EYA4: variants seen among roughly 807,000 people sequenced by gnomAD.
The protein encoded by EYA4 is EYA transcriptional coactivator and phosphatase 4.
Under a neutral mutation model 87.9 loss-of-function variants are expected in EYA4, and 31 were observed. That is an observed-to-expected ratio of 0.35 (90% CI 0.27 to 0.48). The LOEUF (loss-of-function observed/expected upper bound fraction) is 0.48. Among genes scored for constraint, EYA4 ranks in the 20% least tolerant of loss-of-function variants. The probability of loss-of-function intolerance (pLI) is 0.99; values close to 1 mark genes in which losing one functional copy is unlikely to be tolerated. For synonymous variants in EYA4, 263 were observed against 270.6 expected (o/e 0.97, Z 0.28); for missense variants, 678 against 761.4 (o/e 0.89, Z 1.29).
Position 133,515,332 on chromosome 6 carries a change from C to G in EYA4, c.1513C>G (p.Pro505Ala). ...YKNNVGGLLGPAKRDAWLQLR... is the reference protein window; with the variant it reads ...YKNNVGGLLGAAKRDAWLQLR... ...TTTTGGTGTTGCAGGACTCCTTGGC[C>G]CTGCCAAGAGGGATGCCTGGCTACA... The change falls in exon 17 of 20, where the codon CCT becomes GCT. Residue 505 changes from proline (P) to alanine (A), a missense_variant. By Grantham distance (27) the Pro-to-Ala change is conservative. Coordinates refer to ENST00000355286, the MANE Select transcript of EYA4 (RefSeq NM_004100.5). The G allele has an allele frequency of 6.2e-7, 1 of 1,606,366 alleles. No individual in the cohort carries two copies. Among genetic ancestry groups the G allele is most frequent in the South Asian group, 1.1e-5 (1 of 90,900 alleles).
At chr6:133,359,409 A>T (rs1352760929) in intron 2 of EYA4, among the ~76,000 whole-genome samples, 1 of 152,214 alleles carries the variant, frequency 6.6e-6, no homozygotes, top group East Asian at 1.9e-4. Flanking sequence ...GAGGTGTGAA[A>T]GGCCCATTGC....
Position 133,447,185 on chromosome 6 carries a change from T to TA in EYA4, c.208+438dup, listed in dbSNP as rs200765768. The stretch of plus-strand genomic sequence containing the variant: ...ATGTTTCTTCTTAAAAGTGCTTTTT[T>TA]AAAAAAACACATGGTTTTGGAAATA... On this transcript the variant is annotated intron_variant, in intron 4 of 19. Coordinates refer to ENST00000355286, the MANE Select transcript of EYA4 (RefSeq NM_004100.5). Among the ~76,000 whole-genome samples, 1,139 of 152,260 alleles carry TA rather than the reference T, an allele frequency of 7.5e-3. 22 individuals carry two copies. The highest frequency in any genetic ancestry group is 0.026 in the African/African-American group (1,087 of 41,548).
At chr6:133,267,588 G>C (rs773082291) in intron 1 of EYA4, among the ~76,000 whole-genome samples, 15 of 152,058 alleles carry the variant, frequency 9.9e-5, no homozygotes, top group Admixed American at 1.3e-4. Flanking sequence ...TCACCATGTT[G>C]GTCAGGCTGG....
intron 3 of EYA4, among the ~76,000 whole-genome samples, chr6:133,432,142 T>C (rs1052166835): frequency 1.2e-4 from 18 of 152,078 alleles, no homozygotes; most frequent in Non-Finnish European, 2.4e-4. Flanking sequence ...TCCCAGCATA[T>C]GCATTGTCAT....
intron 3 of EYA4, among the ~76,000 whole-genome samples, chr6:133,439,042 T>C (rs1583281076): frequency 1.5e-5 from 1 of 64,808 alleles, no homozygotes; most frequent in Non-Finnish European, 2.6e-5. Flanking sequence ...AAAGCGAGAC[T>C]CCGTCTCAAA....
At chr6:133,381,302 G>A (rs1316560774) in intron 2 of EYA4, among the ~76,000 whole-genome samples, 1 of 152,014 alleles carries the variant, frequency 6.6e-6, no homozygotes, top group East Asian at 1.9e-4. Flanking sequence ...AAAAGCAAAA[G>A]ACGGGATTTT....
rs1272167388 is a variant in EYA4 at position 133,382,438 on chromosome 6, C to T, written c.80C>T (p.Ser27Phe). 1.9e-6 allele frequency: 3 copies of T among 1,608,508 alleles called. No homozygotes were observed. The South Asian group carries it at 3.3e-5, about 18-fold the overall frequency. The part of the protein sequence containing the change: ...TESDVSQSQN[S>F]RSMEMQDLAS... The stretch of plus-strand genomic sequence containing the variant: ...TCAGATGTTTCACAATCTCAGAATT[C>T]CAGGTACAGTAAAATAAAGACCAAG... Residue 27 changes from serine to phenylalanine, a missense_variant, in exon 3 of 20, where the codon TCC becomes TTC. Transcript: ENST00000355286.
At chr6:133,257,933 G>A (rs1307250157) in intron 1 of EYA4, among the ~76,000 whole-genome samples, 4 of 152,004 alleles carry the variant, frequency 2.6e-5, no homozygotes, top group Non-Finnish European at 5.9e-5. Context: ...TAAAAGAATC[G>A]GTGTTTTTGT....
chr6:133,481,112 A>T (rs1000192737), intron 11 of EYA4, among the ~76,000 whole-genome samples: 3 of 152,070 alleles, frequency 2.0e-5, no homozygotes, highest in Non-Finnish European at 4.4e-5. Context: ...AGGTGGAGGG[A>T]TGGAATTGAT....
chr6:133,280,105 G>T (rs1777500498), intron 2 of EYA4, among the ~76,000 whole-genome samples: 1 of 151,960 alleles, frequency 6.6e-6, no homozygotes, highest in African/African-American at 2.4e-5. Flanking sequence ...TCTTTTTCAG[G>T]ATCCAATTCT....
intron 14 of EYA4, among the ~76,000 whole-genome samples, chr6:133,512,156 T>A (rs944024730): frequency 6.6e-6 from 1 of 152,154 alleles, no homozygotes. Flanking sequence ...ATATCTATGA[T>A]CATTACCCTT....
chr6:133,435,862 CAT>C lies in EYA4; in HGVS notation c.84-10767_84-10766del, dbSNP rs537215334. ...GTACACACACACACACAGACACAAA[CAT>C]GTGTGCACACACACACACCCCCCCT... is the stretch of plus-strand genomic sequence containing the variant. On this transcript the variant is annotated intron_variant, in intron 3 of 19. Transcript: ENST00000355286. 3.3e-3 allele frequency among the ~76,000 whole-genome samples: 499 copies of C among 152,112 alleles called. 3 individuals are homozygous for C. Among genetic ancestry groups the C allele is most frequent in the African/African-American group, 0.011 (451 of 41,478 alleles).
chr6:133,443,665 C>T (rs1792526321), intron 3 of EYA4, among the ~76,000 whole-genome samples: 1 of 152,058 alleles, frequency 6.6e-6, no homozygotes, highest in Admixed American at 6.5e-5. Flanking sequence ...AAGGTATAAA[C>T]TTCTCATTAA....
chr6:133,446,778 C>A, intron 4 of EYA4, 24 bp downstream of exon 4: 3 of 1,609,442 alleles, frequency 1.9e-6, no homozygotes, highest in Non-Finnish European at 2.6e-6. Flanking sequence ...CCTGAAGATA[C>A]CCAGAATCAT....
chr6:133,446,729 A>G lies in EYA4; in HGVS notation c.183A>G (p.Thr61=). Residue 61 remains threonine (T), a synonymous_variant, in exon 4 of 20, where the codon ACA becomes ACG. Transcript: ENST00000355286. ...TGGAAAAATCTAATCTCAGCAGCAC[A>G]TCAGTTACTACAAATGGGACAGGAG... ...SKLEKSNLSS[T]SVTTNGTGGE... is the part of the protein sequence containing the mutation. 6.2e-7 allele frequency: 1 copy of G among 1,614,060 alleles called. No homozygotes were observed. Among genetic ancestry groups the G allele is most frequent in the Non-Finnish European group, 8.5e-7 (1 of 1,179,952 alleles).
chr6:133,415,321 T>C (rs1449500678), intron 3 of EYA4, among the ~76,000 whole-genome samples: 1 of 152,156 alleles, frequency 6.6e-6, no homozygotes, highest in Non-Finnish European at 1.5e-5. Flanking sequence ...TAGTTCCCCA[T>C]TCCTCTCAGA....
intron 2 of EYA4, among the ~76,000 whole-genome samples, chr6:133,345,095 TC>T (rs1235137767): frequency 6.6e-6 from 1 of 152,146 alleles, no homozygotes; most frequent in African/African-American, 2.4e-5. Context: ...CATGCTGTTT[TC>T]CTAACTTTGT....
chr6:133,450,268 A>C (rs987910825), intron 5 of EYA4, among the ~76,000 whole-genome samples: 2 of 152,086 alleles, frequency 1.3e-5, no homozygotes, highest in Non-Finnish European at 2.9e-5. Context: ...TACAGGCCTG[A>C]GGCACCGTGC....
At chr6:133,423,551 C>A (rs1400626382) in intron 3 of EYA4, among the ~76,000 whole-genome samples, 4 of 152,172 alleles carry the variant, frequency 2.6e-5, no homozygotes, top group Non-Finnish European at 4.4e-5. Context: ...ATTATTAGGA[C>A]TGTAGTGAAT....
Sources: allele counts gnomAD v4.1 joint callset (sites outside exome capture counted in the v4.1 genomes callset), GRCh38; gene constraint gnomAD v4.1.1; transcripts MANE v1.5; gene names NCBI Gene and HGNC (gene_info 2026-07-23, HGNC 2026-07-21).